DGKB: variants seen among roughly 807,000 people sequenced by gnomAD.
The protein encoded by DGKB is diacylglycerol kinase beta, also known as 90 kDa diacylglycerol kinase.
In DGKB, 67 loss-of-function variants were observed where a neutral mutation model predicts 114.3. That is an observed-to-expected ratio of 0.59 (90% CI 0.48 to 0.72). DGKB has a LOEUF of 0.72. Among genes scored for constraint, DGKB ranks in the 30% least tolerant of loss-of-function variants. The probability of loss-of-function intolerance (pLI) is 0.00; values close to 1 mark genes in which losing one functional copy is unlikely to be tolerated. For synonymous variants in DGKB, 398 were observed against 323.1 expected (o/e 1.23, Z -2.49); for missense variants, 907 against 975.2 (o/e 0.93, Z 0.93).
chr7:14,699,828 T>G (rs1824787358), intron 7 of DGKB, among the ~76,000 whole-genome samples: 1 of 152,106 alleles, frequency 6.6e-6, no homozygotes, highest in Non-Finnish European at 1.5e-5. Flanking sequence ...CCCAACTCAT[T>G]GTTTAATATT....
At chr7:14,189,259 G>T (rs1935841844) in intron 23 of DGKB, among the ~76,000 whole-genome samples, 1 of 152,118 alleles carries the variant, frequency 6.6e-6, no homozygotes, top group African/African-American at 2.4e-5. Context: ...TAAATTAAGT[G>T]AACAAAAGTA....
chr7:14,822,925 AT>A (rs904273262), intron 2 of DGKB, among the ~76,000 whole-genome samples: 2 of 151,932 alleles, frequency 1.3e-5, no homozygotes, highest in Non-Finnish European at 2.9e-5. Context: ...CTTCAAATAT[AT>A]TTTTCTACAT....
intron 13 of DGKB, among the ~76,000 whole-genome samples, chr7:14,649,164 G>A (rs968591861): frequency 5.6e-5 from 7 of 125,858 alleles, no homozygotes; most frequent in African/African-American, 2.1e-4. Context: ...GATACTCCTC[G>A]AGAAGGGCAA....
intron 18 of DGKB, among the ~76,000 whole-genome samples, chr7:14,581,232 G>A (rs895548395): frequency 6.6e-6 from 1 of 152,130 alleles, no homozygotes; most frequent in Middle Eastern, 3.2e-3. Flanking sequence ...GCTAAAAATT[G>A]TGGTGTGTCT....
chr7:14,251,091 T>C (rs1219087574), intron 23 of DGKB, among the ~76,000 whole-genome samples: 1 of 152,310 alleles, frequency 6.6e-6, no homozygotes, highest in East Asian at 1.9e-4. Context: ...TCAGCCCCTC[T>C]AGGTCTTTTG....
intron 15 of DGKB, among the ~76,000 whole-genome samples, chr7:14,613,719 C>A (rs1399976510): frequency 6.6e-6 from 1 of 151,816 alleles, no homozygotes; most frequent in Non-Finnish European, 1.5e-5. Context: ...AAAAAAATTA[C>A]GATTTTCAGA....
intron 14 of DGKB, 55 bp from the exon 15 acceptor site, chr7:14,621,549 A>C: frequency 1.8e-6 from 2 of 1,095,840 alleles, no homozygotes; most frequent in African/African-American, 3.2e-5. Flanking sequence ...ACATAATAAA[A>C]TGTTAAGTTG....
intron 6 of DGKB, 63 bp from the exon 7 acceptor site, chr7:14,701,793 T>C (rs1488375305): frequency 1.8e-6 from 2 of 1,105,542 alleles, no homozygotes; most frequent in East Asian, 2.4e-5. Context: ...TAGTTTAAAG[T>C]ATATTCATTA....
At chr7:14,446,160 A>C (rs1301360991) in intron 21 of DGKB, among the ~76,000 whole-genome samples, 1 of 152,102 alleles carries the variant, frequency 6.6e-6, no homozygotes, top group Non-Finnish European at 1.5e-5. Context: ...CTTTGAAGTC[A>C]ATTTGTCCTC....
At chr7:14,963,766 T>G (rs1193191121) in intron 1 of DGKB, among the ~76,000 whole-genome samples, 1 of 152,130 alleles carries the variant, frequency 6.6e-6, no homozygotes, top group Non-Finnish European at 1.5e-5. Context: ...TCAGCTAACA[T>G]TTCTTGAGAT....
upstream of DGKB, among the ~76,000 whole-genome samples, chr7:14,908,033 G>A (rs1267549704): frequency 6.6e-6 from 1 of 152,198 alleles, no homozygotes; most frequent in Admixed American, 6.5e-5. Context: ...TTAGCAGACT[G>A]TAATATAGCC....
At chr7:14,904,972 A>G (rs777288160), upstream of DGKB, among the ~76,000 whole-genome samples, 1 of 152,128 alleles carries the variant, frequency 6.6e-6, no homozygotes, top group Non-Finnish European at 1.5e-5. Flanking sequence ...TTCATCCCTT[A>G]CTATAACTAG....
At chr7:14,500,267 A>C (rs1785947300) in intron 20 of DGKB, among the ~76,000 whole-genome samples, 2 of 151,860 alleles carry the variant, frequency 1.3e-5, no homozygotes, top group Admixed American at 1.3e-4. Flanking sequence ...AAGTTTTCTT[A>C]AACTTCACCT....
At chr7:14,594,115 T>C (rs907920025) in intron 17 of DGKB, among the ~76,000 whole-genome samples, 1 of 152,084 alleles carries the variant, frequency 6.6e-6, no homozygotes, top group South Asian at 2.1e-4. Context: ...ACTAACTTTG[T>C]TGTAATTTTG....
chr7:14,670,330 T>C lies in DGKB; in HGVS notation c.1134+2599A>G, dbSNP rs536383431. 1.5e-3 allele frequency among the ~76,000 whole-genome samples: 229 copies of C among 150,926 alleles called. 1 individual carries two copies. The highest frequency in any genetic ancestry group is 5.3e-3 in the African/African-American group (216 of 40,990). On this transcript the variant is annotated intron_variant, in intron 13 of 25. Coordinates refer to ENST00000402815, the MANE Select transcript of DGKB (RefSeq NM_001350709.2). ...ACACACATTTTTTTTTGAGACAGAG[T>C]CTCACTCTGTCACTCAGTCTGGAGT...
At chr7:14,244,383 G>A (rs756346942) in intron 23 of DGKB, among the ~76,000 whole-genome samples, 18 of 152,178 alleles carry the variant, frequency 1.2e-4, no homozygotes, top group East Asian at 5.8e-4. Context: ...CTGGCCGGGC[G>A]CGGTGGCTCA....
intron 20 of DGKB, among the ~76,000 whole-genome samples, chr7:14,540,011 C>G (rs1020555066): frequency 7.9e-5 from 12 of 152,014 alleles, no homozygotes; most frequent in African/African-American, 2.9e-4. Context: ...CATTTATATA[C>G]TACTCATTTG....
chr7:14,859,018 G>T (rs1850579264), intron 1 of DGKB, among the ~76,000 whole-genome samples: 1 of 152,110 alleles, frequency 6.6e-6, no homozygotes, highest in South Asian at 2.1e-4. Flanking sequence ...GTGAAAGTGT[G>T]ATTCTAACTG....
chr7:14,176,574 A>T, intron 25 of DGKB: 1 of 1,145,780 alleles, frequency 8.7e-7, no homozygotes, highest in Non-Finnish European at 1.1e-6. Flanking sequence ...TTTATAATTG[A>T]TCTATGGTTT....
Sources: gnomAD v4.1 joint callset for allele counts (sites outside exome capture counted in the v4.1 genomes callset) on GRCh38, gnomAD v4.1.1 for gene constraint, MANE v1.5 for transcripts, NCBI Gene and HGNC (gene_info 2026-07-23, HGNC 2026-07-21) for gene names.